SON: variants seen among roughly 807,000 people sequenced by gnomAD.
SON encodes the protein SON DNA and RNA binding protein.
Under a neutral mutation model 173.3 loss-of-function variants are expected in SON, and 4 were observed. The observed-to-expected ratio is 0.02, with a 90% CI of 0.01 to 0.05. The LOEUF is 0.05. Among genes scored for constraint, SON ranks in the 10% least tolerant of loss-of-function variants. SON has a pLI of 1.00. For missense variants in SON, 2,626 were observed against 3,055.3 expected (o/e 0.86, Z 3.31); for synonymous variants, 1,190 against 1,105.9 (o/e 1.08, Z -1.51).
At position 33,552,255 on chromosome 21, in the gene SON, C is replaced by T; in HGVS notation, c.3024C>T (p.Ser1008=). 1 of 1,614,144 alleles carries T rather than the reference C, an allele frequency of 6.2e-7. No individual in the cohort carries two copies. The highest frequency in any genetic ancestry group is 1.3e-5 in the African/African-American group (1 of 75,022). The change falls in exon 3 of 12, where the codon TCC becomes TCT. Residue 1008 remains serine, a synonymous_variant. Transcript: ENST00000356577. This position sits in a 1 kb window ranked among gnomAD's most constrained non-coding sequence, Gnocchi z 5.6. ...TGATGTCCTATGCTGCAGAACGTTC[C>T]ATGATGTCATCTTACGAACGCTCTA... ...SMMMSYAAER[S]MMSSYERSMM...
At chr21:33,557,691 A>G (rs1400240301) in intron 4 of SON, 2 of 1,465,412 alleles carry the variant, frequency 1.4e-6, no homozygotes, top group East Asian at 2.5e-5. Flanking sequence ...CATATACGCA[A>G]AGACACAGAC....
At chr21:33,546,522 G>T in intron 2 of SON, 143 bp downstream of exon 2, 1 of 594,098 alleles carries the variant, frequency 1.7e-6, no homozygotes, top group South Asian at 2.2e-5. Flanking sequence ...GCTCACGCCT[G>T]TAATCCCAGC....
In SON at chr21:33,552,094, C is replaced by T. The variant is rs181683333; in HGVS notation, c.2863C>T (p.Pro955Ser). The change falls in exon 3 of 12, where the codon CCC becomes TCC. Residue 955 changes from proline to serine, a missense_variant. By Grantham distance (74) the Pro-to-Ser change is moderately conservative (BLOSUM62 -1). Coordinates refer to ENST00000356577, the MANE Select transcript of SON (RefSeq NM_138927.4). This position sits in a 1 kb window ranked among gnomAD's most constrained non-coding sequence, Gnocchi z 5.6. ...AGACCCTTATAGATTAGGCCATGAT[C>T]CCTACAGACTAACTCCTGATCCCTA... Reference protein sequence around the residue: ...GQDPYRLGHDPYRLTPDPYRM... With the variant: ...GQDPYRLGHDSYRLTPDPYRM... 6.2e-7 allele frequency: 1 copy of T among 1,614,064 alleles called. No homozygotes were observed. The highest frequency in any genetic ancestry group is 1.7e-5 in the Admixed American group (1 of 60,010).
rs2145859985 is a variant in SON, at chr21:33,563,743, T to C, written c.6658-3414T>C. Among the ~76,000 whole-genome samples the C allele has an allele frequency of 2.6e-5, 4 of 152,288 alleles. No individual in the cohort carries two copies. The Middle Eastern group carries it at 0.014, about 518-fold the overall frequency. ...AATGAGAAATAAAAATGTAAAAGGC[T>C]CACTTAAATGTATTAATATAGGTCA... On this transcript the variant is annotated intron_variant, in intron 6 of 11. Coordinates refer to ENST00000356577, the MANE Select transcript of SON (RefSeq NM_138927.4).
At chr21:33,556,434 T>C (rs1207308083) in intron 3 of SON, among the ~76,000 whole-genome samples, 2 of 152,130 alleles carry the variant, frequency 1.3e-5, no homozygotes, top group Non-Finnish European at 2.9e-5. Flanking sequence ...GCACTTCGGC[T>C]GGGCATGGTG....
At chr21:33,546,451 A>G in intron 2 of SON, 72 bp downstream of exon 2, 7 of 1,202,818 alleles carry the variant, frequency 5.8e-6, no homozygotes, top group Non-Finnish European at 8.4e-6. Flanking sequence ...GGTTAATGTT[A>G]GTTTTTGACT....
At chr21:33,572,904 G>T in intron 8 of SON, 1 of 226,748 alleles carries the variant, frequency 4.4e-6, no homozygotes, top group Non-Finnish European at 8.9e-6. Context: ...GTGATTTCTG[G>T]GCTTTATTCA....
In SON at chr21:33,549,559, A is replaced by C; in HGVS notation, c.328A>C (p.Lys110Gln). 6.3e-7 allele frequency: 1 copy of C among 1,587,092 alleles called. No homozygotes were observed. The highest frequency in any genetic ancestry group is 8.5e-7 in the Non-Finnish European group (1 of 1,172,048). ...TDEIPTKKSK[K>Q]HKKHKNKKKK... ...TGAAATTCCCACTAAAAAGTCAAAGAAGCATAAAAAGCACAAAAACAAAAA... is the reference window on the plus strand; with the variant it reads ...TGAAATTCCCACTAAAAAGTCAAAGCAGCATAAAAAGCACAAAAACAAAAA... The change falls in exon 3 of 12, where the codon AAG (lysine) becomes CAG (glutamine). Residue 110 changes from lysine to glutamine, a missense_variant. Lys to Gln is a moderately conservative substitution (Grantham distance 53). Around this residue, in one of 13 missense-constraint regions of SON, gnomAD observed 757 missense variants for 730.1 expected, o/e 1.04. Transcript: ENST00000356577.
rs773190295 is a variant in SON at position 33,552,962 on chromosome 21, C to A, written c.3731C>A (p.Ala1244Asp). 6.2e-7 allele frequency: 1 copy of A among 1,614,196 alleles called. No individual in the cohort carries two copies. The highest frequency in any genetic ancestry group is 2.2e-5 in the East Asian group (1 of 44,890). Residue 1244 changes from alanine (A) to aspartate (D), a missense_variant, in exon 3 of 12, where the codon GCT becomes GAT. Physicochemically the swap from Ala to Asp is moderately radical, Grantham distance 126. Around this residue, in one of 13 missense-constraint regions of SON, gnomAD observed 1,006 missense variants for 895.6 expected, o/e 1.12. Transcript: ENST00000356577. This position sits in a 1 kb window ranked among gnomAD's most constrained non-coding sequence, Gnocchi z 5.6. ...ASDPSVLVSE[A>D]AVTVPEPPPE... is the part of the protein sequence containing the mutation. ...GATCCCTCAGTTTTAGTATCAGAGG[C>A]TGCTGTGACTGTTCCAGAACCACCA...
At chr21:33,575,201 A>G (rs752963893) in intron 9 of SON, among the ~76,000 whole-genome samples, 5 of 151,938 alleles carry the variant, frequency 3.3e-5, no homozygotes, top group Non-Finnish European at 5.9e-5. Context: ...ACGCCCGGCT[A>G]ATTTTTGTTT....
chr21:33,551,463 G>C lies in SON; in HGVS notation c.2232G>C (p.Gln744His). The change falls in exon 3 of 12, where the codon CAG becomes CAC. Residue 744 changes from glutamine to histidine, a missense_variant. Physicochemically the swap from Gln to His is conservative, Grantham distance 24 (BLOSUM62 0). Transcript: ENST00000356577. Reference protein sequence around the residue: ...QMLASNTMDSQMLASNTMDSQ... With the variant: ...QMLASNTMDSHMLASNTMDSQ... The stretch of plus-strand genomic sequence containing the variant: ...TAGCGTCCAACACCATGGACTCCCA[G>C]ATGCTAGCATCCAACACCATGGACT... The C allele has an allele frequency of 6.2e-7, 1 of 1,613,982 alleles. No individual in the cohort carries two copies. Among genetic ancestry groups the C allele is most frequent in the Non-Finnish European group, 8.5e-7 (1 of 1,179,958 alleles).
intron 3 of SON, among the ~76,000 whole-genome samples, chr21:33,556,725 AAAAG>A (rs1367229594): frequency 1.4e-4 from 22 of 152,012 alleles, no homozygotes; most frequent in African/African-American, 5.3e-4. Flanking sequence ...AAAAAAAAAA[AAAAG>A]AGGTGGCACT....
chr21:33,548,241 GA>G (rs1275086538), intron 2 of SON, among the ~76,000 whole-genome samples: 1 of 151,636 alleles, frequency 6.6e-6, no homozygotes, highest in Non-Finnish European at 1.5e-5. Flanking sequence ...TTCTAAAATA[GA>G]AACATTTGAA....
Position 33,558,131 on chromosome 21 carries a change from G to A in SON, c.6321+815G>A, listed in dbSNP as rs572239753. On this transcript the variant is annotated intron_variant, in intron 4 of 11. Transcript: ENST00000356577. Reference sequence around the variant, plus strand: ...GGTTACAAGCTTAATATACTCTTGTGTTTTTGGCGAAATGAGCTTTTTATC... The same window carrying A: ...GGTTACAAGCTTAATATACTCTTGTATTTTTGGCGAAATGAGCTTTTTATC... The A allele has an allele frequency of 2.6e-5, 4 of 153,026 alleles. No homozygotes were observed. In the East Asian group the frequency reaches 7.7e-4, roughly 30 times the overall value. 9.5% of individuals were successfully genotyped at this position (153,026 alleles called of 1,614,324 possible). A position where few individuals can be genotyped will look rare whatever the true frequency, so the allele number is the denominator to read the frequency against.
rs1450027977 is a variant in SON at position 33,546,317 on chromosome 21, T to C, written c.182T>C (p.Ile61Thr). The change falls in exon 2 of 12, where the codon ATA (isoleucine) becomes ACA (threonine). Residue 61 changes from isoleucine (I) to threonine (T), a missense_variant. By Grantham distance (89) the Ile-to-Thr change is moderately conservative. Coordinates refer to ENST00000356577, the MANE Select transcript of SON (RefSeq NM_138927.4). ...GCCAGGAGTCTACCAAATGAAGAAA[T>C]AGTGCAGAAGATAGAGGAAGTACTT... ...ASARSLPNEEIVQKIEEVLSG... is the reference protein window; with the variant it reads ...ASARSLPNEETVQKIEEVLSG... 2 of 1,613,632 alleles carry C rather than the reference T, an allele frequency of 1.2e-6. No homozygotes were observed. Among genetic ancestry groups the C allele is most frequent in the South Asian group, 1.1e-5 (1 of 91,028 alleles).
intron 6 of SON, among the ~76,000 whole-genome samples, chr21:33,563,170 T>G (rs2086100081): frequency 6.6e-6 from 1 of 152,190 alleles, no homozygotes; most frequent in African/African-American, 2.4e-5. Flanking sequence ...TGTTATTCTT[T>G]CCTTCCTAGA....
intron 8 of SON, among the ~76,000 whole-genome samples, chr21:33,571,189 A>G (rs1306179711): frequency 1.3e-5 from 2 of 152,202 alleles, no homozygotes; most frequent in African/African-American, 2.4e-5. Context: ...TTTGTATAGA[A>G]TTACTGAAGA....
At chr21:33,556,990 A>C (rs1309862577) in intron 3 of SON, among the ~76,000 whole-genome samples, 166 bp from the exon 4 acceptor site, 1 of 150,126 alleles carries the variant, frequency 6.7e-6, no homozygotes, top group Non-Finnish European at 1.5e-5. Context: ...TTAGAGCAGA[A>C]TATTGATGCC....
Position 33,554,629 on chromosome 21 carries a change from C to T in SON, c.5398C>T (p.His1800Tyr), listed in dbSNP as rs754160208. Residue 1800 changes from histidine to tyrosine, a missense_variant, in exon 3 of 12, where the codon CAC becomes TAC. Transcript: ENST00000356577. ...YEIFVKVKDT[H>Y]EKSKKNKNRD... ...AATTTTTGTAAAAGTTAAGGACACT[C>T]ACGAAAAAAGCAAGAAAAATAAGAA... 8 of 1,612,740 alleles carry T rather than the reference C, an allele frequency of 5.0e-6. No homozygotes were observed. Among genetic ancestry groups the T allele is most frequent in the Non-Finnish European group, 6.8e-6 (8 of 1,179,750 alleles).
Sources: allele counts gnomAD v4.1 joint callset (sites outside exome capture counted in the v4.1 genomes callset), GRCh38; gene constraint gnomAD v4.1.1; regional missense constraint gnomAD v4.1.1; non-coding constraint Gnocchi (gnomAD v3.1); transcripts MANE v1.5; gene names NCBI Gene and HGNC (gene_info 2026-07-23, HGNC 2026-07-21).